Variants in FAM53A observed in about 807,000 individuals in gnomAD.
FAM53A encodes the protein protein FAM53A.
FAM53A carries 28 observed loss-of-function variants against 26.6 expected under a neutral mutation model. The observed-to-expected ratio is 1.05, with a 90% CI of 0.78 to 1.45. FAM53A has a LOEUF of 1.45. FAM53A is among the 40% of genes most tolerant of loss of function. The probability of loss-of-function intolerance (pLI) is 0.00; values close to 1 mark genes in which losing one functional copy is unlikely to be tolerated. For synonymous variants in FAM53A, 290 were observed against 253.1 expected (o/e 1.15, Z -1.38); for missense variants, 650 against 575.8 (o/e 1.13, Z -1.32).
rs1226073424 is a variant in FAM53A at position 1,655,143 on chromosome 4, G to A, written c.717C>T (p.Ala239=). The A allele has an allele frequency of 6.3e-7, 1 of 1,586,884 alleles. No individual in the cohort carries two copies. The highest frequency in any genetic ancestry group is 1.4e-5 in the African/African-American group (1 of 73,844). The part of the protein sequence containing the change: ...LAGAGTPLPW[A]SSSPTSTPAL... ...CAGGCGTGGACGTGGGGCTGCTGCT[G>A]GCCCAGGGCAGGGGAGTGCCCGCAC... The change falls in exon 4 of 5, where the codon GCC becomes GCT. Residue 239 remains alanine, a synonymous_variant. Transcript: ENST00000308132.
rs1711662845 is a variant in FAM53A, at chr4:1,641,157, AC to A, written c.*135del. ...GGTGCCGGCGGCAGCCGTGGCCCCGACCAGCTCACAGGAAACCTACTCTGTG... is the reference window on the plus strand; with the variant it reads ...GGTGCCGGCGGCAGCCGTGGCCCCGACAGCTCACAGGAAACCTACTCTGTG... On this transcript the variant is annotated 3_prime_UTR_variant, in exon 5 of 5. Coordinates refer to ENST00000308132, the MANE Select transcript of FAM53A (RefSeq NM_001174070.3). 1.5e-6 allele frequency: 1 copy of A among 647,032 alleles called. No individual in the cohort carries two copies. The highest frequency in any genetic ancestry group is 2.3e-5 in the African/African-American group (1 of 42,572). The allele number at this position is 647,032 out of a possible 1,614,324, so 40.1% of individuals were successfully genotyped here. A position where few individuals can be genotyped will look rare whatever the true frequency, so the allele number is the denominator to read the frequency against.
At chr4:1,618,335 C>A (rs1402183181) in intron 1 of FAM53A, among the ~76,000 whole-genome samples, 1 of 152,202 alleles carries the variant, frequency 6.6e-6, no homozygotes, top group Non-Finnish European at 1.5e-5. Context: ...GGCCAAAGAC[C>A]TGGCCAGAAT....
intron 1 of FAM53A, 57 bp from the exon 2 acceptor site, chr4:1,668,962 T>C (rs1173433542): frequency 1.2e-5 from 6 of 518,678 alleles, no homozygotes; most frequent in Admixed American, 7.4e-5. Context: ...ATTTTGTTGA[T>C]GTTTCTGCTA....
At position 1,641,596 on chromosome 4, in the gene FAM53A, A is replaced by G. The variant is rs1711729345; in HGVS notation, c.894T>C (p.Asn298=). The part of the protein sequence containing the change: ...DFLKMTQTLK[N]SKSLCSLNYE... ...AATTGAGGGAGCAAAGGCTTTTTGA[A>G]TTTTTTAAAGTCTGCAATAGAAAAG... The change falls in exon 5 of 5, where the codon AAT becomes AAC. Residue 298 remains asparagine, a synonymous_variant. Transcript: ENST00000308132. The G allele has an allele frequency of 6.2e-7, 1 of 1,614,060 alleles. No homozygotes were observed. Among genetic ancestry groups the G allele is most frequent in the Admixed American group, 1.7e-5 (1 of 59,986 alleles).
chr4:1,655,023 GTCC>G lies in FAM53A; in HGVS notation c.834_836del (p.Glu278del), dbSNP rs767345548. 2 of 1,561,792 alleles carry G rather than the reference GTCC, an allele frequency of 1.3e-6. No homozygotes were observed. The highest frequency in any genetic ancestry group is 8.7e-7 in the Non-Finnish European group (1 of 1,155,274). On this transcript the variant is annotated inframe_deletion, in exon 4 of 5. Transcript: ENST00000308132. ...CCAAGGATGGGCGTGTCCACCTGGC[GTCC>G]TCCTCACGCCTCCGTTTGCGCCGGC... is the stretch of plus-strand genomic sequence containing the variant.
Position 1,655,324 on chromosome 4 carries a change from G to C in FAM53A, c.536C>G (p.Pro179Arg). Residue 179 changes from proline (P) to arginine (R), a missense_variant, in exon 4 of 5, where the codon CCC (proline) becomes CGC (arginine). Transcript: ENST00000308132. ...CGGCCGGGGCGTGGCGGGCGAGGTG[G>C]GACCGGTCGACCACACAGCACTCCT... The part of the protein sequence containing the change: ...LPRSAVWSTG[P>R]TSPATPRPSS... 7.0e-7 allele frequency: 1 copy of C among 1,420,404 alleles called. No homozygotes were observed. Among genetic ancestry groups the C allele is most frequent in the Non-Finnish European group, 9.2e-7 (1 of 1,092,706 alleles). The allele number at this position is 1,420,404 out of a possible 1,614,324, so 88.0% of individuals were successfully genotyped here.
chr4:1,586,919 G>T, the FAM53A span, among the ~76,000 whole-genome samples: 1 of 151,754 alleles, frequency 6.6e-6, no homozygotes, highest in East Asian at 1.9e-4. Flanking sequence ...TCATCTTTTT[G>T]ATAGTAGCTG....
chr4:1,645,081 G>A (rs1366763579), intron 4 of FAM53A: 2 of 152,690 alleles, frequency 1.3e-5, no homozygotes, highest in Non-Finnish European at 2.9e-5. Flanking sequence ...AGCAGGGCCA[G>A]GCAGCAGTCA....
the FAM53A span, among the ~76,000 whole-genome samples, chr4:1,596,692 GC>G: frequency 8.7e-3 from 1,327 of 152,344 alleles, 16 homozygotes; most frequent in African/African-American, 0.03. Flanking sequence ...CTCCACCGAG[GC>G]CGTGCCACAC....
At chr4:1,588,544 G>T in the FAM53A span, among the ~76,000 whole-genome samples, 14 of 152,152 alleles carry the variant, frequency 9.2e-5, no homozygotes, top group Non-Finnish European at 2.1e-4. Context: ...ATCCAAGTAC[G>T]GGCAGGTCCA....
chr4:1,663,961 T>A (rs1280976627), intron 2 of FAM53A, among the ~76,000 whole-genome samples: 2 of 151,378 alleles, frequency 1.3e-5, no homozygotes, highest in Non-Finnish European at 2.9e-5. Context: ...AGAACACACA[T>A]GGGAGGGGAG....
In FAM53A at chr4:1,630,580, G is replaced by C. The variant is rs973887076; in HGVS notation, c.432-12469C>G. Reference sequence around the variant, plus strand: ...TTCAGCCAGTCCGTCCCACACCTGAGGCAGGCTCAGCAATTCCCCTCAGCC... The same window carrying C: ...TTCAGCCAGTCCGTCCCACACCTGACGCAGGCTCAGCAATTCCCCTCAGCC... On this transcript the variant is annotated intron_variant, in intron 1 of 1. Transcript: ENST00000489029. This position sits in a 1 kb window ranked among gnomAD's most constrained non-coding sequence, Gnocchi z 4.3. 7.9e-5 allele frequency among the ~76,000 whole-genome samples: 12 copies of C among 152,204 alleles called. No homozygotes were observed. The highest frequency in any genetic ancestry group is 2.9e-5 in the Non-Finnish European group (2 of 68,042).
chr4:1,575,063 C>T, the FAM53A span, among the ~76,000 whole-genome samples: 131 of 152,312 alleles, frequency 8.6e-4, no homozygotes, highest in Middle Eastern at 3.4e-3. Flanking sequence ...GGGCCCCATC[C>T]GCCCACCAAG....
chr4:1,586,731 C>G, the FAM53A span, among the ~76,000 whole-genome samples: 1 of 138,576 alleles, frequency 7.2e-6, no homozygotes, highest in African/African-American at 2.7e-5. Context: ...TTCAGTGAGC[C>G]AAGATCGCGC....
the FAM53A span, among the ~76,000 whole-genome samples, chr4:1,605,565 G>A: frequency 1.3e-5 from 2 of 152,104 alleles, no homozygotes; most frequent in Non-Finnish European, 2.9e-5. This position sits in a 1 kb window ranked among gnomAD's most constrained non-coding sequence, Gnocchi z 5.7. Flanking sequence ...TGCCACAGCC[G>A]CCCTCCAGCC....
At chr4:1,642,931 G>A (rs1367558643) in intron 4 of FAM53A, among the ~76,000 whole-genome samples, 1 of 152,202 alleles carries the variant, frequency 6.6e-6, no homozygotes, top group Non-Finnish European at 1.5e-5. Context: ...CCATGATGCC[G>A]ATGACAAGGC....
chr4:1,655,175 G>C lies in FAM53A; in HGVS notation c.685C>G (p.Leu229Val), dbSNP rs377348596. 93 of 1,572,276 alleles carry C rather than the reference G, an allele frequency of 5.9e-5. No homozygotes were observed. Among genetic ancestry groups the C allele is most frequent in the Non-Finnish European group, 7.8e-5 (91 of 1,165,176 alleles). The change falls in exon 4 of 5, where the codon CTC becomes GTC. Residue 229 changes from leucine to valine, a missense_variant. Physicochemically the swap from Leu to Val is conservative, Grantham distance 32. Transcript: ENST00000308132. ...RRRPSLSQER[L>V]AGAGTPLPWA... The stretch of plus-strand genomic sequence containing the variant: ...GGCAGGGGAGTGCCCGCACCCGCGA[G>C]TCGCTCCTGTGAGAGGGACGGGCGG...
chr4:1,604,736 C>T, the FAM53A span, among the ~76,000 whole-genome samples: 2 of 152,160 alleles, frequency 1.3e-5, no homozygotes, highest in African/African-American at 4.8e-5. Context: ...CCTCCCGCCT[C>T]CTCCTGCTTC....
At position 1,641,336 on chromosome 4, in the gene FAM53A, C is replaced by CG. The variant is rs776409657; in HGVS notation, c.1153dup (p.Arg385ProfsTer36). ...CTCCAGGTCCAGCTCCCAGCGGGCC[C>CG]GGGGGAAGACGCCCTCCTCCCCGAC... On this transcript the variant is annotated frameshift_variant, in exon 5 of 5. Transcript: ENST00000308132. LOFTEE classifies it high-confidence loss of function. 6 of 1,611,520 alleles carry CG rather than the reference C, an allele frequency of 3.7e-6. No individual in the cohort carries two copies. Among genetic ancestry groups the CG allele is most frequent in the African/African-American group, 1.3e-5 (1 of 74,830 alleles).
Sources: allele counts gnomAD v4.1 joint callset (sites outside exome capture counted in the v4.1 genomes callset), GRCh38; gene constraint gnomAD v4.1.1; non-coding constraint Gnocchi (gnomAD v3.1); transcripts MANE v1.5; gene names NCBI Gene and HGNC (gene_info 2026-07-23, HGNC 2026-07-21).